Variants in IPMK observed in about 807,000 individuals in gnomAD.
IPMK encodes inositol 1,3,4,6-tetrakisphosphate 5-kinase.
A neutral mutation model predicts 45.8 loss-of-function variants in IPMK; 17 were observed. The observed-to-expected ratio is 0.37, with a 90% CI of 0.25 to 0.56. IPMK has a LOEUF of 0.56. Ranked by LOEUF, IPMK falls within the 20% of genes least tolerant of loss-of-function variation. The pLI is 0.79. For missense variants in IPMK, 399 were observed against 498.0 expected (o/e 0.80, Z 1.89); for synonymous variants, 180 against 184.3 (o/e 0.98, Z 0.19).
chr10:58,247,971 T>G (rs1414574506), intron 1 of IPMK, among the ~76,000 whole-genome samples: 1 of 152,158 alleles, frequency 6.6e-6, no homozygotes, highest in Non-Finnish European at 1.5e-5. Flanking sequence ...GACTTTTTCC[T>G]TTATGTATGT....
At chr10:58,206,980 C>CATGT (rs1385645075) in intron 4 of IPMK, among the ~76,000 whole-genome samples, 2 of 145,182 alleles carry the variant, frequency 1.4e-5, no homozygotes, top group African/African-American at 2.8e-5. Context: ...AATAGTCCAC[C>CATGT]ATGTATATAT....
At chr10:58,249,628 G>A (rs2590335) in intron 1 of IPMK, among the ~76,000 whole-genome samples, 51,443 of 151,924 alleles carry the variant, frequency 0.34, 10,956 homozygotes, top group African/African-American at 0.61. Context: ...ATAGTCTACA[G>A]ATATTTTCTC....
chr10:58,201,676 T>C (rs1838000474), intron 4 of IPMK, among the ~76,000 whole-genome samples: 1 of 152,158 alleles, frequency 6.6e-6, no homozygotes. Flanking sequence ...AAATGTCACG[T>C]CTCTCACTTA....
intron 1 of IPMK, among the ~76,000 whole-genome samples, chr10:58,242,704 G>A (rs999475229): frequency 1.3e-5 from 2 of 152,110 alleles, no homozygotes; most frequent in African/African-American, 4.8e-5. Context: ...GGAGAAATCA[G>A]AAGAAAGCAT....
intron 1 of IPMK, among the ~76,000 whole-genome samples, chr10:58,243,487 G>C (rs1289484258): frequency 6.6e-6 from 1 of 152,076 alleles, no homozygotes. Flanking sequence ...CTCCTGCCTC[G>C]GCCTGCCGAG....
chr10:58,242,635 T>C (rs1366357572), intron 1 of IPMK, among the ~76,000 whole-genome samples: 1 of 151,972 alleles, frequency 6.6e-6, no homozygotes, highest in African/African-American at 2.4e-5. Context: ...GTAAATTTGG[T>C]GTCAGATAAA....
chr10:58,266,624 C>A (rs1421084783), intron 1 of IPMK, among the ~76,000 whole-genome samples: 1 of 152,174 alleles, frequency 6.6e-6, no homozygotes, highest in Non-Finnish European at 1.5e-5. Flanking sequence ...CAGATTACCC[C>A]AGTAATCATG....
At chr10:58,258,504 T>C (rs1329907618) in intron 1 of IPMK, among the ~76,000 whole-genome samples, 3 of 152,074 alleles carry the variant, frequency 2.0e-5, no homozygotes, top group African/African-American at 7.2e-5. Flanking sequence ...TCTAACAAGA[T>C]TGGAATCACA....
At chr10:58,204,688 G>C (rs1334731896) in intron 4 of IPMK, among the ~76,000 whole-genome samples, 2 of 152,028 alleles carry the variant, frequency 1.3e-5, no homozygotes, top group African/African-American at 4.8e-5. Context: ...TCAATTACTT[G>C]GGAGGCTTAA....
intron 1 of IPMK, among the ~76,000 whole-genome samples, chr10:58,240,027 AAT>A (rs1475692266): frequency 6.6e-6 from 1 of 152,222 alleles, no homozygotes; most frequent in African/African-American, 2.4e-5. Context: ...ACATACTCAA[AAT>A]ATCAGGAAAA....
chr10:58,241,988 A>G (rs1838702148), intron 1 of IPMK, among the ~76,000 whole-genome samples: 1 of 151,896 alleles, frequency 6.6e-6, no homozygotes, highest in African/African-American at 2.4e-5. Context: ...CAGAAGAGGT[A>G]TAATCATTTC....
chr10:58,244,691 G>A (rs1425555100), intron 1 of IPMK, among the ~76,000 whole-genome samples: 1 of 152,180 alleles, frequency 6.6e-6, no homozygotes, highest in African/African-American at 2.4e-5. Flanking sequence ...ATTTTGTTCT[G>A]TACTAAGAAA....
intron 1 of IPMK, among the ~76,000 whole-genome samples, chr10:58,257,364 A>G: frequency 6.6e-6 from 1 of 152,020 alleles, no homozygotes; most frequent in South Asian, 2.1e-4. Context: ...GCATGGTGGC[A>G]TGTGCCTGTA....
chr10:58,216,999 T>A (rs1838253386), intron 3 of IPMK, among the ~76,000 whole-genome samples: 2 of 152,008 alleles, frequency 1.3e-5, no homozygotes, highest in Admixed American at 6.6e-5. Context: ...GACAGGCGTG[T>A]ACCACTGCCT....
chr10:58,217,686 C>A (rs1459169807), intron 3 of IPMK, among the ~76,000 whole-genome samples: 6 of 49,850 alleles, frequency 1.2e-4, no homozygotes. Context: ...AAAACTCCAT[C>A]TCAAAAAAAA....
At chr10:58,223,872 T>C (rs1293850936) in intron 3 of IPMK, among the ~76,000 whole-genome samples, 1 of 152,190 alleles carries the variant, frequency 6.6e-6, no homozygotes, top group African/African-American at 2.4e-5. Context: ...TGCCACCATG[T>C]AAGACGTGCC....
At chr10:58,224,571 A>T (rs921130039) in intron 3 of IPMK, among the ~76,000 whole-genome samples, 7 of 152,234 alleles carry the variant, frequency 4.6e-5, no homozygotes, top group African/African-American at 1.7e-4. Flanking sequence ...TTATATCTCA[A>T]TAAAACTATC....
At chr10:58,264,016 C>A (rs1378393792) in intron 1 of IPMK, among the ~76,000 whole-genome samples, 2 of 152,110 alleles carry the variant, frequency 1.3e-5, no homozygotes, top group African/African-American at 4.8e-5. Context: ...CTGAGAAAAA[C>A]AAATGTGATA....
intron 4 of IPMK, among the ~76,000 whole-genome samples, chr10:58,209,009 C>T (rs942863260): frequency 2.0e-5 from 3 of 152,186 alleles, no homozygotes; most frequent in Non-Finnish European, 4.4e-5. Context: ...ACCTCACAGC[C>T]TCACTCCTAT....
Sources: allele counts gnomAD v4.1 joint callset (sites outside exome capture counted in the v4.1 genomes callset), GRCh38; gene constraint gnomAD v4.1.1; transcripts MANE v1.5; gene names NCBI Gene and HGNC (gene_info 2026-07-23, HGNC 2026-07-21).